Variants in MARCHF1 observed in about 807,000 individuals in gnomAD.
The protein encoded by MARCHF1 is membrane associated ring-CH-type finger 1.
MARCHF1 carries 40 observed loss-of-function variants against 54.2 expected under a neutral mutation model. The ratio of observed to expected loss-of-function variants is 0.74; its 90% CI spans 0.57 to 0.96. MARCHF1 has a LOEUF of 0.96. Among genes scored for constraint, MARCHF1 ranks in the 40% least tolerant of loss-of-function variants. MARCHF1 has a pLI of 0.00. For synonymous variants in MARCHF1, 236 were observed against 236.3 expected (o/e 1.00, Z 0.01); for missense variants, 586 against 656.5 (o/e 0.89, Z 1.17).
chr4:164,373,165 G>A (rs760347590), intron 1 of MARCHF1, among the ~76,000 whole-genome samples: 1 of 152,042 alleles, frequency 6.6e-6, no homozygotes, highest in South Asian at 2.1e-4. Context: ...TCTGCATTTT[G>A]CAGATAAGGA....
At chr4:163,699,013 G>A (rs1744721754) in intron 5 of MARCHF1, among the ~76,000 whole-genome samples, 1 of 152,168 alleles carries the variant, frequency 6.6e-6, no homozygotes, top group Admixed American at 6.6e-5. Context: ...AGAGGCAACT[G>A]TGTCTCGGGA....
intron 4 of MARCHF1, among the ~76,000 whole-genome samples, chr4:163,782,334 A>G (rs1432317919): frequency 6.6e-6 from 1 of 152,172 alleles, no homozygotes; most frequent in Non-Finnish European, 1.5e-5. Context: ...ATCCAGCAAT[A>G]TGGCAATAGG....
chr4:164,265,512 C>T (rs1319778464), intron 1 of MARCHF1, among the ~76,000 whole-genome samples: 1 of 88,792 alleles, frequency 1.1e-5, no homozygotes, highest in Non-Finnish European at 2.0e-5. Flanking sequence ...GGACCACACA[C>T]ATTTAACCTG....
intron 5 of MARCHF1, among the ~76,000 whole-genome samples, chr4:163,637,874 A>C (rs1159594845): frequency 6.6e-6 from 1 of 151,400 alleles, no homozygotes; most frequent in Admixed American, 6.6e-5. Flanking sequence ...CTGGATTAAG[A>C]AAATGTGGCA....
At chr4:163,941,501 TTGGATTCTGGA>T (rs1751912177) in intron 3 of MARCHF1, among the ~76,000 whole-genome samples, 2 of 152,156 alleles carry the variant, frequency 1.3e-5, no homozygotes, top group Admixed American at 6.5e-5. Context: ...GGATAAATGC[TTGGATTCTGGA>T]TGACTCTTCC....
chr4:164,074,379 AGTAT>A (rs1754931763), intron 2 of MARCHF1, among the ~76,000 whole-genome samples: 1 of 152,212 alleles, frequency 6.6e-6, no homozygotes, highest in African/African-American at 2.4e-5. Flanking sequence ...CCATTTCCAG[AGTAT>A]GTAACAGGTA....
At chr4:164,319,151 A>T (rs1332569044) in intron 1 of MARCHF1, among the ~76,000 whole-genome samples, 1 of 152,154 alleles carries the variant, frequency 6.6e-6, no homozygotes, top group African/African-American at 2.4e-5. Context: ...CCTGTATTGA[A>T]CATGTACGGA....
chr4:164,057,317 T>C (rs143994903), intron 2 of MARCHF1, among the ~76,000 whole-genome samples: 2 of 152,316 alleles, frequency 1.3e-5, no homozygotes, highest in Non-Finnish European at 2.9e-5. Flanking sequence ...AATACACAAC[T>C]AAGTTTTTCT....
At chr4:164,059,321 C>T (rs980780016) in intron 2 of MARCHF1, among the ~76,000 whole-genome samples, 43 of 152,204 alleles carry the variant, frequency 2.8e-4, no homozygotes, top group African/African-American at 1.0e-3. Flanking sequence ...AAGAGCGTTC[C>T]AATGTGTATA....
chr4:163,717,635 TC>T (rs1745307368), intron 4 of MARCHF1, among the ~76,000 whole-genome samples: 1 of 152,188 alleles, frequency 6.6e-6, no homozygotes, highest in East Asian at 1.9e-4. Context: ...TGTTCCTATT[TC>T]TCCACATCCT....
intron 4 of MARCHF1, among the ~76,000 whole-genome samples, chr4:163,826,148 G>A: frequency 6.6e-6 from 1 of 151,836 alleles, no homozygotes; most frequent in Non-Finnish European, 1.5e-5. Flanking sequence ...ATATTTTATT[G>A]TTTAATTTAC....
chr4:163,862,656 G>A (rs1749964356), intron 3 of MARCHF1, among the ~76,000 whole-genome samples: 3 of 152,032 alleles, frequency 2.0e-5, no homozygotes, highest in Admixed American at 2.0e-4. Context: ...CAATTTGGTA[G>A]TTTACTAATG....
intron 3 of MARCHF1, among the ~76,000 whole-genome samples, chr4:163,942,445 T>G (rs1269205542): frequency 6.6e-6 from 1 of 152,210 alleles, no homozygotes; most frequent in Non-Finnish European, 1.5e-5. Flanking sequence ...GCTTCCTGAC[T>G]TTATGCTACA....
intron 2 of MARCHF1, among the ~76,000 whole-genome samples, chr4:164,028,474 G>C (rs761351258): frequency 2.6e-5 from 4 of 152,088 alleles, no homozygotes; most frequent in Non-Finnish European, 5.9e-5. Flanking sequence ...TGAAGAAACA[G>C]AAAACCAAAT....
intron 2 of MARCHF1, among the ~76,000 whole-genome samples, chr4:164,062,503 A>G (rs1181357176): frequency 6.6e-6 from 1 of 152,002 alleles, no homozygotes; most frequent in Non-Finnish European, 1.5e-5. Context: ...CAACATTACA[A>G]AATTTTTCTT....
chr4:163,983,167 G>A (rs551189450), intron 3 of MARCHF1, among the ~76,000 whole-genome samples: 2 of 152,260 alleles, frequency 1.3e-5, no homozygotes, highest in South Asian at 4.1e-4. Flanking sequence ...CACGGCCTTT[G>A]TGTGCCAAAG....
At chr4:164,378,165 G>A (rs901697159) in intron 1 of MARCHF1, among the ~76,000 whole-genome samples, 3 of 152,212 alleles carry the variant, frequency 2.0e-5, no homozygotes, top group African/African-American at 7.2e-5. Context: ...TTTTTTCCCC[G>A]GGATGAAGAG....
At chr4:164,091,430 G>A (rs2952329) in intron 2 of MARCHF1, among the ~76,000 whole-genome samples, 143,834 of 144,518 alleles carry the variant, frequency 1, 71,575 homozygotes, top group Non-Finnish European at 1. Flanking sequence ...ATATATATAT[G>A]TATAAAATGA....
chr4:164,362,183 A>G (rs1261766351), intron 1 of MARCHF1, among the ~76,000 whole-genome samples: 4 of 152,172 alleles, frequency 2.6e-5, no homozygotes, highest in Admixed American at 2.6e-4. Flanking sequence ...CCTTTTCTAC[A>G]ATGATTAATA....
Sources: allele counts gnomAD v4.1 joint callset (sites outside exome capture counted in the v4.1 genomes callset), GRCh38; gene constraint gnomAD v4.1.1; transcripts MANE v1.5; gene names NCBI Gene and HGNC (gene_info 2026-07-23, HGNC 2026-07-21).